Variants in POC1B observed in about 807,000 individuals in gnomAD.
POC1B encodes POC1 centriolar protein homolog B.
In POC1B, 44 loss-of-function variants were observed where a neutral mutation model predicts 60.6. That is an observed-to-expected ratio of 0.73 (90% confidence interval 0.57 to 0.93). The LOEUF is 0.93. POC1B is among the 40% of genes least tolerant of loss of function. The pLI is 0.00. For synonymous variants in POC1B, 180 were observed against 198.9 expected (o/e 0.90, Z 0.80); for missense variants, 555 against 572.3 (o/e 0.97, Z 0.31).
intron 10 of POC1B, among the ~76,000 whole-genome samples, chr12:89,446,720 T>TA (rs1165290902): frequency 2.6e-3 from 365 of 139,434 alleles, no homozygotes; most frequent in Middle Eastern, 7.4e-3. Flanking sequence ...AAAGTGTAAT[T>TA]AAAAAAAAAA....
At chr12:89,444,829 G>A (rs1194926045) in intron 10 of POC1B, among the ~76,000 whole-genome samples, 1 of 152,200 alleles carries the variant, frequency 6.6e-6, no homozygotes, top group African/African-American at 2.4e-5. Context: ...CCTGTTTGCA[G>A]GTGACATGAT....
intron 10 of POC1B, among the ~76,000 whole-genome samples, chr12:89,446,769 A>G (rs1225219778): frequency 6.6e-6 from 1 of 152,180 alleles, no homozygotes; most frequent in Non-Finnish European, 1.5e-5. Context: ...AGGAAAGATT[A>G]TATAAATTAA....
intron 9 of POC1B, chr12:89,460,741 T>C (rs1012957377): frequency 1.3e-5 from 2 of 152,220 alleles, no homozygotes; most frequent in Non-Finnish European, 2.9e-5. Flanking sequence ...ATACATTCAA[T>C]ATAATTCCAT....
rs576300473 is a variant in POC1B, at chr12:89,495,755, G to A, written c.272+1416C>T. On this transcript the variant is annotated intron_variant, in intron 3 of 11. Transcript: ENST00000313546. ...ATTACATTTATTGTGTACTTTATTC[G>A]TATTATTATTATTATTATTATTGAG... 5.9e-5 allele frequency among the ~76,000 whole-genome samples: 9 copies of A among 151,318 alleles called. No homozygotes were observed. In the South Asian group the frequency reaches 1.1e-3, roughly 18 times the overall value.
intron 4 of POC1B, among the ~76,000 whole-genome samples, chr12:89,491,203 C>T (rs926830586): frequency 1.3e-5 from 2 of 152,170 alleles, no homozygotes; most frequent in African/African-American, 4.8e-5. Context: ...TTCTCCTATC[C>T]AGAACATTCC....
chr12:89,517,036 T>G (rs186496422), intron 2 of POC1B, among the ~76,000 whole-genome samples: 2 of 152,146 alleles, frequency 1.3e-5, no homozygotes, highest in African/African-American at 2.4e-5. Flanking sequence ...GACTACGACA[T>G]GGACACATGT....
chr12:89,412,543 G>A, the POC1B span, among the ~76,000 whole-genome samples: 2 of 151,784 alleles, frequency 1.3e-5, no homozygotes, highest in South Asian at 4.2e-4. Flanking sequence ...GCAGGGCATG[G>A]TGGGTGCCTG....
At chr12:89,431,825 T>C (rs556017425) in intron 10 of POC1B, among the ~76,000 whole-genome samples, 10 of 152,132 alleles carry the variant, frequency 6.6e-5, no homozygotes, top group Non-Finnish European at 1.3e-4. Flanking sequence ...GTTTTGGAGA[T>C]TGCAAGTCCA....
chr12:89,464,483 G>GTTTTTTTTT (rs766668019), intron 9 of POC1B, among the ~76,000 whole-genome samples: 33 of 94,730 alleles, frequency 3.5e-4, no homozygotes, highest in Admixed American at 6.0e-4. Flanking sequence ...TTTTATAAGA[G>GTTTTTTTTT]TTTTTTTTTT....
chr12:89,411,962 T>A, the POC1B span, among the ~76,000 whole-genome samples: 2 of 152,228 alleles, frequency 1.3e-5, no homozygotes, highest in African/African-American at 4.8e-5. Context: ...GGTTCTATCC[T>A]CTAGGCTTGG....
At chr12:89,460,889 C>T (rs553479441) in intron 9 of POC1B, 33 of 151,816 alleles carry the variant, frequency 2.2e-4, no homozygotes, top group African/African-American at 7.3e-4. Flanking sequence ...TTTGAAAAGA[C>T]ATAAAAATTA....
intron 3 of POC1B, among the ~76,000 whole-genome samples, chr12:89,496,887 A>G (rs1394742736): frequency 6.6e-6 from 1 of 152,148 alleles, no homozygotes; most frequent in East Asian, 1.9e-4. Context: ...GACAGTCTAA[A>G]GCTTACCTCA....
At position 89,497,298 on chromosome 12, in the gene POC1B, GC is replaced by G. The variant is rs753599044; in HGVS notation, c.144del (p.Lys48AsnfsTer16). 3.1e-6 allele frequency: 5 copies of G among 1,612,908 alleles called. No individual in the cohort carries two copies. The Admixed American group carries it at 8.3e-5, about 27-fold the overall frequency. ...WDTFLMLWNF[K>X]PHARAYRYVG... ...ACATATCTGTAAGCTCTAGCATGTG[GC>G]TTGAAATTCCATAGCATGAGAAAGG... is the stretch of plus-strand genomic sequence containing the variant. On this transcript the variant is annotated frameshift_variant, in exon 3 of 12. Coordinates refer to ENST00000313546, the MANE Select transcript of POC1B (RefSeq NM_172240.3). LOFTEE classifies it high-confidence loss of function.
intron 2 of POC1B, chr12:89,523,788 A>G: frequency 1.2e-5 from 19 of 1,536,048 alleles, no homozygotes; most frequent in Non-Finnish European, 1.7e-5. Flanking sequence ...TGTCTATAAC[A>G]GGACACACAA....
At chr12:89,410,470 G>T in the POC1B span, among the ~76,000 whole-genome samples, 5 of 152,110 alleles carry the variant, frequency 3.3e-5, no homozygotes, top group African/African-American at 1.2e-4. Flanking sequence ...AACGAGGTCA[G>T]GAGATCGAGA....
intron 10 of POC1B, among the ~76,000 whole-genome samples, chr12:89,436,321 G>A (rs187708648): frequency 3.7e-4 from 57 of 152,214 alleles, no homozygotes; most frequent in Non-Finnish European, 7.5e-4. Flanking sequence ...TACTTTATAC[G>A]AAACAAAACC....
At chr12:89,425,051 T>C (rs1393752437) in intron 11 of POC1B, 110 bp downstream of exon 11, 2 of 1,099,282 alleles carry the variant, frequency 1.8e-6, no homozygotes, top group Non-Finnish European at 2.6e-6. Context: ...TTTGCTTTGC[T>C]AGTATAGAGA....
chr12:89,525,632 G>C, intron 1 of POC1B: 2 of 1,281,694 alleles, frequency 1.6e-6, no homozygotes, highest in Non-Finnish European at 2.0e-6. Context: ...GGGGCCGTGG[G>C]GCCGCCCAGC....
chr12:89,522,815 A>C, intron 2 of POC1B: 11 of 1,576,226 alleles, frequency 7.0e-6, no homozygotes, highest in Non-Finnish European at 7.7e-6. Flanking sequence ...GTTGTGCTCT[A>C]TTTCTCAAAA....
Sources: allele counts gnomAD v4.1 joint callset (sites outside exome capture counted in the v4.1 genomes callset), GRCh38; gene constraint gnomAD v4.1.1; transcripts MANE v1.5; gene names NCBI Gene and HGNC (gene_info 2026-07-23, HGNC 2026-07-21).